CHL1: variants seen among roughly 807,000 people sequenced by gnomAD.
CHL1 encodes neural cell adhesion molecule L1-like protein.
A neutral mutation model predicts 141.9 loss-of-function variants in CHL1; 96 were observed. The observed-to-expected ratio is 0.68, with a 90% CI of 0.57 to 0.80. The LOEUF (loss-of-function observed/expected upper bound fraction) is 0.80. Ranked by LOEUF, CHL1 falls within the 30% of genes least tolerant of loss-of-function variation. The pLI is 0.00. For synonymous variants in CHL1, 613 were observed against 502.2 expected, an observed-to-expected ratio of 1.22 and a Z score of -2.95; for missense variants, 1,820 against 1,457.2, an observed-to-expected ratio of 1.25 and a Z score of -4.05.
intron 1 of CHL1, among the ~76,000 whole-genome samples, chr3:199,083 C>T (rs1698683500): frequency 6.6e-6 from 1 of 152,200 alleles, no homozygotes; most frequent in African/African-American, 2.4e-5. Context: ...TTGTGAGGGA[C>T]CACCATTTGG....
rs757916934 is a variant in CHL1 at position 383,825 on chromosome 3, G to C, written c.2186G>C (p.Arg729Thr). 3 of 1,609,206 alleles carry C rather than the reference G, an allele frequency of 1.9e-6. No individual in the cohort carries two copies. Among genetic ancestry groups the C allele is most frequent in the South Asian group, 1.1e-5 (1 of 90,732 alleles). ...GTTTTTAATTTTTCAGCTCCAGATAGGAATCCACAAAACATAAGGGTTCAA... is the reference window on the plus strand; with the variant it reads ...GTTTTTAATTTTTCAGCTCCAGATACGAATCCACAAAACATAAGGGTTCAA... ...HHETPPAAPDRNPQNIRVQAS... is the reference protein window; with the variant it reads ...HHETPPAAPDTNPQNIRVQAS... Residue 729 changes from arginine (R) to threonine (T), a missense_variant, in exon 19 of 28, where the codon AGG becomes ACG. Coordinates refer to ENST00000256509, the MANE Select transcript of CHL1 (RefSeq NM_006614.4).
At chr3:257,969 C>T (rs1246359553) in intron 2 of CHL1, among the ~76,000 whole-genome samples, 1 of 152,124 alleles carries the variant, frequency 6.6e-6, no homozygotes, top group Admixed American at 6.5e-5. Context: ...GAGATTGCAG[C>T]TTGAATGGCT....
chr3:388,882 G>T (rs187244062), intron 19 of CHL1, among the ~76,000 whole-genome samples: 147 of 152,296 alleles, frequency 9.7e-4, no homozygotes, highest in African/African-American at 3.3e-3. Flanking sequence ...TTTTATTTCA[G>T]CCTGTTCTTT....
In CHL1 at chr3:391,677, C is replaced by T; in HGVS notation, c.2794C>T (p.Pro932Ser). 6.3e-7 allele frequency: 1 copy of T among 1,599,788 alleles called. No homozygotes were observed. Among genetic ancestry groups the T allele is most frequent in the Non-Finnish European group, 8.5e-7 (1 of 1,173,088 alleles). Residue 932 changes from proline (P) to serine (S), a missense_variant and splice_region_variant, in exon 23 of 28, where the codon CCT (proline) becomes TCT (serine). Coordinates refer to ENST00000256509, the MANE Select transcript of CHL1 (RefSeq NM_006614.4). ...PYIFQTPEGV[P>S]EQPTFLKVIK... Reference sequence around the variant, plus strand: ...ATTTTTGGTCTTGTGTTTTCTAGTACCTGAACAGCCAACTTTTCTAAAGGT... The same window carrying T: ...ATTTTTGGTCTTGTGTTTTCTAGTATCTGAACAGCCAACTTTTCTAAAGGT...
At chr3:321,298 G>T (rs1282798919) in intron 3 of CHL1, among the ~76,000 whole-genome samples, 1 of 151,916 alleles carries the variant, frequency 6.6e-6, no homozygotes, top group Non-Finnish European at 1.5e-5. Context: ...CCACTTATCT[G>T]ACCTACAAAT....
intron 2 of CHL1, chr3:246,778 C>G (rs1315694518): frequency 1.3e-5 from 2 of 152,064 alleles, no homozygotes; most frequent in Admixed American, 1.3e-4. Context: ...TTGTGCCTAT[C>G]AGATGAATAC....
chr3:231,541 G>C (rs1019238205), intron 1 of CHL1, among the ~76,000 whole-genome samples: 2 of 148,414 alleles, frequency 1.3e-5, no homozygotes, highest in African/African-American at 5.0e-5. Flanking sequence ...GAAATTTTCA[G>C]TTGGGAGTAC....
chr3:399,127 A>C lies in CHL1; in HGVS notation c.3364A>C (p.Asn1122His), dbSNP rs1211499829. 7 of 1,610,710 alleles carry C rather than the reference A, an allele frequency of 4.3e-6. No homozygotes were observed. The South Asian group carries it at 5.5e-5, about 13-fold the overall frequency. Residue 1122 changes from asparagine (N) to histidine (H), a missense_variant, in exon 26 of 28, where the codon AAT becomes CAT. Physicochemically the swap from Asn to His is moderately conservative, Grantham distance 68. Transcript: ENST00000256509. ...LLLTVCFVKR[N>H]RGGKYSVKEK... Reference sequence around the variant, plus strand: ...ATTAACTGTTTGCTTTGTGAAGAGGAATAGAGGTGGAAAGTACTCAGGTAA... The same window carrying C: ...ATTAACTGTTTGCTTTGTGAAGAGGCATAGAGGTGGAAAGTACTCAGGTAA...
At chr3:250,838 T>C (rs943741244) in intron 2 of CHL1, among the ~76,000 whole-genome samples, 9 of 152,116 alleles carry the variant, frequency 5.9e-5, no homozygotes, top group Non-Finnish European at 8.8e-5. Context: ...TCTTATGAAA[T>C]GTCTTTCTAG....
At chr3:398,811 CGAA>C (rs1334718816) in intron 25 of CHL1, among the ~76,000 whole-genome samples, 1 of 152,158 alleles carries the variant, frequency 6.6e-6, no homozygotes, top group Non-Finnish European at 1.5e-5. Context: ...AAACACAACT[CGAA>C]GAAGTCCCTT....
intron 19 of CHL1, among the ~76,000 whole-genome samples, chr3:387,616 ATATTATTTGCACACACT>A (rs1707860542): frequency 6.6e-6 from 1 of 152,230 alleles, no homozygotes; most frequent in Non-Finnish European, 1.5e-5. Context: ...AAAATGAATA[ATATTATTTGCACACACT>A]TATTGTCAGC....
intron 11 of CHL1, among the ~76,000 whole-genome samples, chr3:358,832 A>T (rs1703947561): frequency 6.6e-6 from 1 of 151,872 alleles, no homozygotes; most frequent in African/African-American, 2.4e-5. Flanking sequence ...TAATGGAGAG[A>T]CAATCAGAAA....
chr3:352,294 C>A (rs1165140859), intron 10 of CHL1, among the ~76,000 whole-genome samples: 1 of 151,958 alleles, frequency 6.6e-6, no homozygotes, highest in Non-Finnish European at 1.5e-5. Context: ...TTAATAAGAA[C>A]CTGTGAAGAA....
At chr3:363,081 A>G in intron 13 of CHL1, 136 bp from the exon 14 acceptor site, 1 of 671,988 alleles carries the variant, frequency 1.5e-6, no homozygotes, top group South Asian at 2.4e-5. Flanking sequence ...GAAAAATATG[A>G]AACCCACTGG....
intron 14 of CHL1, among the ~76,000 whole-genome samples, chr3:364,684 G>A (rs1704642756): frequency 6.6e-6 from 1 of 152,092 alleles, no homozygotes; most frequent in Admixed American, 6.5e-5. Context: ...GGAGTTAAGT[G>A]AGAGCCTATA....
At chr3:351,577 G>A (rs1383780401) in intron 10 of CHL1, among the ~76,000 whole-genome samples, 3 of 151,648 alleles carry the variant, frequency 2.0e-5, no homozygotes, top group African/African-American at 7.3e-5. Context: ...CTCTTTTTTA[G>A]AAGCCCACAT....
At chr3:236,934 C>T (rs1227981607) in intron 1 of CHL1, among the ~76,000 whole-genome samples, 1 of 151,510 alleles carries the variant, frequency 6.6e-6, no homozygotes, top group Non-Finnish European at 1.5e-5. Context: ...ATTCTCATGT[C>T]GTGGATAAGG....
At chr3:352,005 G>T (rs192870109) in intron 10 of CHL1, among the ~76,000 whole-genome samples, 4 of 151,924 alleles carry the variant, frequency 2.6e-5, no homozygotes, top group African/African-American at 7.2e-5. Context: ...TTAAAAATAA[G>T]CTCCCACCAA....
chr3:220,793 A>C (rs1440129541), intron 1 of CHL1, among the ~76,000 whole-genome samples: 1 of 152,254 alleles, frequency 6.6e-6, no homozygotes, highest in Non-Finnish European at 1.5e-5. Flanking sequence ...GAGAACGCTC[A>C]TGCTCTGTTG....
Sources: gnomAD v4.1 joint callset for allele counts (sites outside exome capture counted in the v4.1 genomes callset) on GRCh38, gnomAD v4.1.1 for gene constraint, MANE v1.5 for transcripts, NCBI Gene and HGNC (gene_info 2026-07-23, HGNC 2026-07-21) for gene names.